The following EPB41L4A variants were observed in gnomAD, a reference collection of about 807,000 sequenced individuals.
EPB41L4A encodes erythrocyte membrane protein band 4.1 like 4A, also known as band 4.1-like protein 4A.
EPB41L4A carries 100 observed loss-of-function variants against 108.6 expected under a neutral mutation model. The ratio of observed to expected loss-of-function variants is 0.92; its 90% CI spans 0.78 to 1.09. EPB41L4A has a LOEUF of 1.09. Among genes scored for constraint, EPB41L4A ranks in the 50% least tolerant of loss-of-function variants. EPB41L4A has a pLI of 0.00. For synonymous variants in EPB41L4A, 319 were observed against 289.0 expected (o/e 1.10, Z -1.05); for missense variants, 1,030 against 842.7 (o/e 1.22, Z -2.75).
intron 16 of EPB41L4A, among the ~76,000 whole-genome samples, chr5:112,195,179 G>A (rs1430103373): frequency 4.6e-5 from 7 of 152,114 alleles, no homozygotes; most frequent in Non-Finnish European, 1.5e-5. Flanking sequence ...TAAAAGAAGT[G>A]TCTACAGAAG....
At chr5:112,347,799 AG>A (rs1468333479) in intron 1 of EPB41L4A, among the ~76,000 whole-genome samples, 1 of 152,212 alleles carries the variant, frequency 6.6e-6, no homozygotes, top group African/African-American at 2.4e-5. Flanking sequence ...TGTGTCTTCC[AG>A]CACTCTAAAG....
At chr5:112,321,467 T>C (rs909459482) in intron 1 of EPB41L4A, among the ~76,000 whole-genome samples, 12 of 152,214 alleles carry the variant, frequency 7.9e-5, no homozygotes, top group Non-Finnish European at 1.6e-4. Context: ...ACTGCCTTAA[T>C]ACTGCTTTAT....
At chr5:112,172,460 C>T (rs917904546) in intron 18 of EPB41L4A, among the ~76,000 whole-genome samples, 5 of 148,346 alleles carry the variant, frequency 3.4e-5, no homozygotes, top group African/African-American at 1.3e-4. Flanking sequence ...TGCAGTAAGC[C>T]GAGATCACAC....
chr5:112,244,124 C>A (rs1005576417), intron 9 of EPB41L4A, among the ~76,000 whole-genome samples: 5 of 152,128 alleles, frequency 3.3e-5, no homozygotes, highest in Admixed American at 6.5e-5. Flanking sequence ...TTCAGTTGAA[C>A]CCTTAGAGGT....
At chr5:112,280,357 T>C (rs756080744) in intron 2 of EPB41L4A, 34 bp from the exon 3 acceptor site, 8 of 1,591,090 alleles carry the variant, frequency 5.0e-6, no homozygotes, top group Non-Finnish European at 6.9e-6. Context: ...TTAAAGAAAT[T>C]AGTTGCTTTT....
At chr5:112,171,202 A>C (rs1760563168) in intron 18 of EPB41L4A, among the ~76,000 whole-genome samples, 3 of 152,142 alleles carry the variant, frequency 2.0e-5, no homozygotes. Flanking sequence ...AAATCATAAA[A>C]CCCAGTCATA....
chr5:112,312,482 T>C (rs1157889786), intron 1 of EPB41L4A, among the ~76,000 whole-genome samples: 2 of 152,316 alleles, frequency 1.3e-5, no homozygotes, highest in South Asian at 4.1e-4. Flanking sequence ...ATTCCCTCTA[T>C]AGCTTTCTGT....
intron 2 of EPB41L4A, among the ~76,000 whole-genome samples, chr5:112,295,771 G>C (rs763008813): frequency 1.6e-4 from 25 of 152,136 alleles, no homozygotes; most frequent in Non-Finnish European, 3.4e-4. Flanking sequence ...CCTATACTTG[G>C]GTGGTTCTAA....
chr5:112,277,779 A>T (rs888424758), intron 3 of EPB41L4A, among the ~76,000 whole-genome samples: 1 of 152,230 alleles, frequency 6.6e-6, no homozygotes, highest in African/African-American at 2.4e-5. Context: ...CATTTTGGAC[A>T]AGGATATGTC....
chr5:112,405,735 C>A (rs906307006), intron 1 of EPB41L4A, among the ~76,000 whole-genome samples: 1 of 152,174 alleles, frequency 6.6e-6, no homozygotes, highest in Admixed American at 6.5e-5. Context: ...CACCTTGGCA[C>A]ATAAGAAACA....
chr5:112,239,765 C>G (rs1749640317), intron 10 of EPB41L4A, 28 bp from the exon 11 acceptor site: 2 of 1,536,270 alleles, frequency 1.3e-6, no homozygotes, highest in South Asian at 1.2e-5. Context: ...GAAAATCAGA[C>G]AAAGACTCAA....
chr5:112,154,245 A>T (rs371041205), intron 12 of EPB41L4A, among the ~76,000 whole-genome samples: 2 of 152,322 alleles, frequency 1.3e-5, no homozygotes, highest in South Asian at 2.1e-4. Flanking sequence ...CACCTGACTC[A>T]TAGTAAGCTT....
At chr5:112,354,630 GT>G (rs1758258664) in intron 1 of EPB41L4A, among the ~76,000 whole-genome samples, 1 of 152,144 alleles carries the variant, frequency 6.6e-6, no homozygotes, top group African/African-American at 2.4e-5. Flanking sequence ...GTTTTTCTGT[GT>G]TTCCCCATGC....
intron 1 of EPB41L4A, among the ~76,000 whole-genome samples, chr5:112,412,506 G>T (rs1762469460): frequency 6.6e-6 from 1 of 152,136 alleles, no homozygotes; most frequent in Non-Finnish European, 1.5e-5. Flanking sequence ...TTTTTACAAT[G>T]GTATAGACAC....
At chr5:112,418,257 A>G (rs1762831729) in intron 1 of EPB41L4A, among the ~76,000 whole-genome samples, 1 of 152,194 alleles carries the variant, frequency 6.6e-6, no homozygotes. Flanking sequence ...TTCTCATCCA[A>G]TGTAAGGAAG....
chr5:112,345,015 T>C (rs1055990168), intron 1 of EPB41L4A, among the ~76,000 whole-genome samples: 1 of 152,214 alleles, frequency 6.6e-6, no homozygotes, highest in African/African-American at 2.4e-5. Context: ...TTTATACCAA[T>C]ATAATCTTAT....
intron 13 of EPB41L4A, among the ~76,000 whole-genome samples, chr5:112,145,488 C>A (rs903770345): frequency 6.6e-6 from 1 of 152,206 alleles, no homozygotes; most frequent in Admixed American, 6.5e-5. Flanking sequence ...ACTCTGCTGA[C>A]AGCCATTGTA....
At position 112,418,963 on chromosome 5, in the gene EPB41L4A, G is replaced by A. The variant is rs778239243; in HGVS notation, c.77C>T (p.Thr26Ile). Residue 26 changes from threonine (T) to isoleucine (I), a missense_variant, in exon 1 of 23, where the codon ACC becomes ATC. Physicochemically the swap from Thr to Ile is moderately conservative, Grantham distance 89. Transcript: ENST00000261486. ...CACCTTGATGCCCTGCTGCTGGGTGGTAAGGGTTAACTTGGATTCATCCAG... is the reference window on the plus strand; with the variant it reads ...CACCTTGATGCCCTGCTGCTGGGTGATAAGGGTTAACTTGGATTCATCCAG... The part of the protein sequence containing the change: ...LLLDESKLTL[T>I]TQQQGIKKST... 3 of 1,613,282 alleles carry A rather than the reference G, an allele frequency of 1.9e-6. No individual in the cohort carries two copies. The highest frequency in any genetic ancestry group is 1.7e-6 in the Non-Finnish European group (2 of 1,179,626).
chr5:112,232,569 G>A (rs1406403083), intron 12 of EPB41L4A, among the ~76,000 whole-genome samples: 2 of 152,186 alleles, frequency 1.3e-5, no homozygotes, highest in African/African-American at 4.8e-5. Flanking sequence ...GAAGCAGTAA[G>A]TCAGGTGACA....
Sources: gnomAD v4.1 joint callset for allele counts (sites outside exome capture counted in the v4.1 genomes callset) on GRCh38, gnomAD v4.1.1 for gene constraint, MANE v1.5 for transcripts, NCBI Gene and HGNC (gene_info 2026-07-23, HGNC 2026-07-21) for gene names.